Variants in ERC2 observed in about 807,000 individuals in gnomAD.
ERC2 encodes the protein ERC protein 2.
Under a neutral mutation model 114.8 loss-of-function variants are expected in ERC2, and 42 were observed. The observed-to-expected ratio is 0.37, with a 90% CI of 0.29 to 0.47. The LOEUF (loss-of-function observed/expected upper bound fraction) is 0.47. ERC2 is among the 20% of genes least tolerant of loss of function. ERC2 has a pLI of 0.99. For synonymous variants in ERC2, 454 were observed against 425.5 expected (o/e 1.07, Z -0.82); for missense variants, 939 against 1,150.7 (o/e 0.82, Z 2.66).
intron 17 of ERC2, among the ~76,000 whole-genome samples, chr3:55,521,183 G>T (rs771555650): frequency 6.6e-6 from 1 of 152,220 alleles, no homozygotes; most frequent in Admixed American, 6.5e-5. Flanking sequence ...AAGGTTTTGC[G>T]ATTCCTGCTT....
chr3:55,531,522 G>A (rs767683738), intron 17 of ERC2, among the ~76,000 whole-genome samples: 28 of 152,084 alleles, frequency 1.8e-4, no homozygotes, highest in Non-Finnish European at 3.1e-4. Flanking sequence ...AATGACTCCT[G>A]ACTTCCTGCT....
At chr3:56,454,968 T>C (rs1470150809) in intron 1 of ERC2, among the ~76,000 whole-genome samples, 1 of 152,024 alleles carries the variant, frequency 6.6e-6, no homozygotes, top group Non-Finnish European at 1.5e-5. Context: ...TCAAATATTG[T>C]CTGATATCAT....
intron 6 of ERC2, among the ~76,000 whole-genome samples, chr3:56,112,192 T>G (rs368099903): frequency 7.2e-5 from 11 of 152,312 alleles, no homozygotes; most frequent in African/African-American, 2.4e-4. Flanking sequence ...TCTCATCACT[T>G]GGATAAAAAT....
chr3:55,724,939 C>T (rs2064816772), intron 15 of ERC2, among the ~76,000 whole-genome samples: 2 of 152,164 alleles, frequency 1.3e-5, no homozygotes, highest in Non-Finnish European at 1.5e-5. Flanking sequence ...TCAAACATGT[C>T]TAATCCAATA....
chr3:55,824,485 T>G (rs1472619398), intron 14 of ERC2, among the ~76,000 whole-genome samples: 1 of 152,228 alleles, frequency 6.6e-6, no homozygotes, highest in Non-Finnish European at 1.5e-5. Flanking sequence ...TATACATTTT[T>G]GGGTCTATGT....
intron 14 of ERC2, among the ~76,000 whole-genome samples, chr3:55,747,229 C>T (rs1457927792): frequency 6.6e-6 from 1 of 152,102 alleles, no homozygotes; most frequent in Non-Finnish European, 1.5e-5. Flanking sequence ...AAATAATTAG[C>T]TATCAAATTA....
intron 4 of ERC2, among the ~76,000 whole-genome samples, chr3:56,160,040 T>C (rs2081967708): frequency 6.6e-6 from 1 of 152,176 alleles, no homozygotes; most frequent in Admixed American, 6.6e-5. Context: ...GGTCAAATAG[T>C]AGTTATCTTT....
chr3:56,065,787 G>A (rs1576779260), intron 7 of ERC2, among the ~76,000 whole-genome samples: 1 of 152,110 alleles, frequency 6.6e-6, no homozygotes, highest in East Asian at 1.9e-4. Context: ...TTATGAGTGA[G>A]TATATGTGGT....
chr3:56,035,237 A>C (rs1273288711), intron 7 of ERC2, among the ~76,000 whole-genome samples: 1 of 152,190 alleles, frequency 6.6e-6, no homozygotes, highest in Non-Finnish European at 1.5e-5. Flanking sequence ...GAAATGGATA[A>C]ATTTTTAGAA....
intron 16 of ERC2, among the ~76,000 whole-genome samples, chr3:55,696,531 A>G (rs2062938828): frequency 6.6e-6 from 1 of 152,168 alleles, no homozygotes; most frequent in Non-Finnish European, 1.5e-5. Flanking sequence ...TATGGCTGTC[A>G]TTTTTCTCCT....
chr3:55,644,156 C>T (rs1208101996), intron 17 of ERC2, among the ~76,000 whole-genome samples: 2 of 152,104 alleles, frequency 1.3e-5, no homozygotes, highest in African/African-American at 4.8e-5. Flanking sequence ...TTGATCTCAG[C>T]AAGTCACTGA....
chr3:56,338,604 AAAG>A (rs1208398012), intron 2 of ERC2, among the ~76,000 whole-genome samples: 1 of 72,194 alleles, frequency 1.4e-5, no homozygotes, highest in Non-Finnish European at 3.2e-5. Flanking sequence ...ACATGAAAAC[AAAG>A]AAGAGTGAGT....
intron 6 of ERC2, among the ~76,000 whole-genome samples, chr3:56,121,794 C>A (rs148449544): frequency 6.6e-6 from 1 of 152,202 alleles, no homozygotes; most frequent in African/African-American, 2.4e-5. Context: ...TAAACATGGG[C>A]GTTTTCTTCA....
intron 6 of ERC2, among the ~76,000 whole-genome samples, chr3:56,102,107 C>A (rs1379115935): frequency 6.6e-6 from 1 of 152,216 alleles, no homozygotes; most frequent in African/African-American, 2.4e-5. Context: ...ACTTTTCCCT[C>A]CCTTTGCTTC....
At chr3:55,768,768 A>T (rs1007068669) in intron 14 of ERC2, among the ~76,000 whole-genome samples, 8 of 152,188 alleles carry the variant, frequency 5.3e-5, no homozygotes, top group Non-Finnish European at 1.0e-4. Context: ...AGGTGACATC[A>T]GATGGGTTTG....
intron 3 of ERC2, among the ~76,000 whole-genome samples, chr3:56,217,428 C>T (rs542113245): frequency 6.6e-6 from 1 of 152,118 alleles, no homozygotes; most frequent in South Asian, 2.1e-4. Context: ...ATCCAACTTA[C>T]AAGGGATGTG....
At position 55,735,471 on chromosome 3, in the gene ERC2, A is replaced by G. The variant is rs141389835; in HGVS notation, c.2565-553T>C. ...ACCAAAGTAGAAGGACAAGTGAGCAAGCGTGAAAGAGACCACAAGATCAAG... is the reference window on the plus strand; with the variant it reads ...ACCAAAGTAGAAGGACAAGTGAGCAGGCGTGAAAGAGACCACAAGATCAAG... On this transcript the variant is annotated intron_variant, in intron 14 of 17. Coordinates refer to ENST00000288221, the MANE Select transcript of ERC2 (RefSeq NM_015576.3). 2.3e-3 allele frequency among the ~76,000 whole-genome samples: 356 copies of G among 152,296 alleles called. 1 individual carries two copies. Among genetic ancestry groups the G allele is most frequent in the African/African-American group, 8.2e-3 (341 of 41,576 alleles).
chr3:56,332,128 T>C (rs1261025716), intron 2 of ERC2, among the ~76,000 whole-genome samples: 2 of 86,066 alleles, frequency 2.3e-5, no homozygotes, highest in Non-Finnish European at 5.3e-5. Flanking sequence ...AGACTTCCTA[T>C]TTTTCACACA....
chr3:56,421,721 C>T (rs566213283), intron 2 of ERC2, among the ~76,000 whole-genome samples: 1 of 152,224 alleles, frequency 6.6e-6, no homozygotes, highest in Non-Finnish European at 1.5e-5. Flanking sequence ...TGTTGATATT[C>T]CTCATCATCT....
Sources: allele counts gnomAD v4.1 joint callset (sites outside exome capture counted in the v4.1 genomes callset), GRCh38; gene constraint gnomAD v4.1.1; transcripts MANE v1.5; gene names NCBI Gene and HGNC (gene_info 2026-07-23, HGNC 2026-07-21).